The following CBFA2T2 variants were observed in gnomAD, a reference collection of about 807,000 sequenced individuals.
The protein encoded by CBFA2T2 is protein CBFA2T2.
CBFA2T2 carries 11 observed loss-of-function variants against 62.2 expected under a neutral mutation model. The observed-to-expected ratio is 0.18, with a 90% CI of 0.11 to 0.29. The LOEUF (loss-of-function observed/expected upper bound fraction) is 0.29. CBFA2T2 is among the 10% of genes least tolerant of loss of function. The pLI, the probability that CBFA2T2 is intolerant of heterozygous loss-of-function variation, is 1.00. For missense variants in CBFA2T2, 592 were observed against 774.1 expected (o/e 0.76, Z 2.79); for synonymous variants, 295 against 287.5 (o/e 1.03, Z -0.27).
chr20:33,572,081 CG>C (rs2013595922), intron 1 of CBFA2T2, among the ~76,000 whole-genome samples: 2 of 152,144 alleles, frequency 1.3e-5, no homozygotes, highest in African/African-American at 4.8e-5. Context: ...TTACTAGAGA[CG>C]GGGTTTTGCC....
At chr20:33,493,299 C>T (rs1327749217) in intron 1 of CBFA2T2, among the ~76,000 whole-genome samples, 3 of 151,944 alleles carry the variant, frequency 2.0e-5, no homozygotes, top group Admixed American at 6.6e-5. Flanking sequence ...TGGTCTCGAA[C>T]GCCTGACCGC....
At chr20:33,611,047 C>A in intron 2 of CBFA2T2, 47 bp from the exon 3 acceptor site, 1 of 1,600,096 alleles carries the variant, frequency 6.2e-7, no homozygotes, top group Non-Finnish European at 8.5e-7. Context: ...ACAAAGGTTC[C>A]CTTGTTTTAC....
chr20:33,490,565 G>A (rs1432551546), intron 1 of CBFA2T2, among the ~76,000 whole-genome samples: 1 of 152,194 alleles, frequency 6.6e-6, no homozygotes, highest in Non-Finnish European at 1.5e-5. Context: ...CTTAGGCCGG[G>A]CCGGCGTCCA....
chr20:33,637,763 G>C (rs1003527611), intron 9 of CBFA2T2, among the ~76,000 whole-genome samples: 4 of 151,726 alleles, frequency 2.6e-5, no homozygotes, highest in African/African-American at 9.7e-5. Context: ...CGCCTCCCCG[G>C]TTCAAGCTAT....
At chr20:33,526,680 C>T (rs2011896323) in intron 1 of CBFA2T2, among the ~76,000 whole-genome samples, 1 of 151,960 alleles carries the variant, frequency 6.6e-6, no homozygotes. Flanking sequence ...TTATAGGATA[C>T]TGACAGGTTA....
intron 1 of CBFA2T2, among the ~76,000 whole-genome samples, chr20:33,510,914 TTGGCTGCATAAA>T (rs768544275): frequency 1.1e-4 from 16 of 152,248 alleles, no homozygotes; most frequent in Admixed American, 6.5e-5. Flanking sequence ...TATGTGTCTG[TTGGCTGCATAAA>T]TGTCTTCTTT....
At chr20:33,556,575 C>T (rs1265924172) in intron 1 of CBFA2T2, among the ~76,000 whole-genome samples, 1 of 152,114 alleles carries the variant, frequency 6.6e-6, no homozygotes, top group South Asian at 2.1e-4. Context: ...GTCTCAGCAT[C>T]TAGTGGTGAT....
rs1350987045 is a variant in CBFA2T2 at position 33,640,547 on chromosome 20, C to T, written c.1488+16C>T. Reference sequence around the variant, plus strand: ...GTCCACGGAGGTCAGAGCTCTGCGCCCTGGGGGCTGGGGTGAGCAGCTGGA... The same window carrying T: ...GTCCACGGAGGTCAGAGCTCTGCGCTCTGGGGGCTGGGGTGAGCAGCTGGA... On this transcript the variant is annotated intron_variant, in intron 10 of 10. Transcript: ENST00000342704. The T allele has an allele frequency of 4.3e-6, 7 of 1,612,812 alleles. No individual in the cohort carries two copies. The highest frequency in any genetic ancestry group is 5.9e-6 in the Non-Finnish European group (7 of 1,179,374).
chr20:33,544,547 A>G (rs901600268), intron 1 of CBFA2T2, among the ~76,000 whole-genome samples: 2 of 151,610 alleles, frequency 1.3e-5, no homozygotes, highest in Non-Finnish European at 2.9e-5. Flanking sequence ...ATTTTTATTT[A>G]TTTGTTTTTT....
Position 33,624,792 on chromosome 20 carries a change from A to G in CBFA2T2, c.721A>G (p.Thr241Ala), listed in dbSNP as rs1486066886. 1 of 1,614,206 alleles carries G rather than the reference A, an allele frequency of 6.2e-7. No homozygotes were observed. Among genetic ancestry groups the G allele is most frequent in the Admixed American group, 1.7e-5 (1 of 60,024 alleles). ...RREENSFDRDTIAPEPPAKRV... is the reference protein window; with the variant it reads ...RREENSFDRDAIAPEPPAKRV... The stretch of plus-strand genomic sequence containing the variant: ...AGAAGAGAATAGTTTTGATAGAGAC[A>G]CAATTGCTCCTGAGCCTCCTGCCAA... The change falls in exon 6 of 11, where the codon ACA (threonine) becomes GCA (alanine). Residue 241 changes from threonine to alanine, a missense_variant. Coordinates refer to ENST00000342704, the MANE Select transcript of CBFA2T2 (RefSeq NM_001032999.3).
At chr20:33,596,205 C>T (rs1339149665) in intron 1 of CBFA2T2, among the ~76,000 whole-genome samples, 1 of 152,088 alleles carries the variant, frequency 6.6e-6, no homozygotes, top group East Asian at 1.9e-4. Flanking sequence ...TAACTCTTTC[C>T]TGGCTTAAGG....
intron 10 of CBFA2T2, among the ~76,000 whole-genome samples, chr20:33,640,907 CT>C (rs1717261289): frequency 1.3e-5 from 2 of 152,220 alleles, no homozygotes; most frequent in East Asian, 1.9e-4. Context: ...TGTATATTTT[CT>C]TTTTGAGTCT....
At position 33,508,734 on chromosome 20, in the gene CBFA2T2, C is replaced by G. The variant is rs115016334; in HGVS notation, c.34+18433C>G. On this transcript the variant is annotated intron_variant, in intron 1 of 10. Transcript: ENST00000342704. Reference sequence around the variant, plus strand: ...AAGGATAATGGCTTCCAGTTCCATCCATGTCCCTGCTGCAAAGGACATGAT... The same window carrying G: ...AAGGATAATGGCTTCCAGTTCCATCGATGTCCCTGCTGCAAAGGACATGAT... Among the ~76,000 whole-genome samples the G allele has an allele frequency of 5.4e-3, 818 of 152,256 alleles. 7 individuals are homozygous for G. Among genetic ancestry groups the G allele is most frequent in the African/African-American group, 0.019 (786 of 41,548 alleles).
chr20:33,501,920 A>G (rs1479056360), intron 1 of CBFA2T2, among the ~76,000 whole-genome samples: 6 of 149,214 alleles, frequency 4.0e-5, no homozygotes, highest in Non-Finnish European at 8.9e-5. Flanking sequence ...GATTACAGGC[A>G]TGAGCCACTG....
chr20:33,562,523 G>A, intron 1 of CBFA2T2: 11 of 985,866 alleles, frequency 1.1e-5, no homozygotes, highest in Non-Finnish European at 1.3e-5. Flanking sequence ...TGAGAGAGCT[G>A]ACACATGTCC....
chr20:33,536,304 C>A (rs1389904953), intron 1 of CBFA2T2, among the ~76,000 whole-genome samples: 1 of 143,342 alleles, frequency 7.0e-6, no homozygotes, highest in African/African-American at 2.5e-5. Context: ...GGGGGCTGAC[C>A]CCCCCCACCT....
intron 1 of CBFA2T2, among the ~76,000 whole-genome samples, chr20:33,550,521 G>A (rs1227268007): frequency 6.6e-6 from 1 of 152,196 alleles, no homozygotes; most frequent in African/African-American, 2.4e-5. Flanking sequence ...CATTAAACAT[G>A]TTAATCAAGA....
At chr20:33,589,471 C>A (rs2014519499) in intron 1 of CBFA2T2, among the ~76,000 whole-genome samples, 1 of 152,190 alleles carries the variant, frequency 6.6e-6, no homozygotes, top group South Asian at 2.1e-4. Context: ...AACCCAAACT[C>A]AATTCTTAAT....
At chr20:33,500,785 C>T (rs949254080) in intron 1 of CBFA2T2, among the ~76,000 whole-genome samples, 2 of 151,966 alleles carry the variant, frequency 1.3e-5, no homozygotes, top group South Asian at 2.1e-4. Context: ...CTATATGAGA[C>T]CTTGTTCAGG....
Sources: allele counts gnomAD v4.1 joint callset (sites outside exome capture counted in the v4.1 genomes callset), GRCh38; gene constraint gnomAD v4.1.1; transcripts MANE v1.5; gene names NCBI Gene and HGNC (gene_info 2026-07-23, HGNC 2026-07-21).